ZC3H12B: variants seen among roughly 807,000 people sequenced by gnomAD.
ZC3H12B encodes probable ribonuclease ZC3H12B.
Under a neutral mutation model 43.9 loss-of-function variants are expected in ZC3H12B, and 7 were observed. The observed-to-expected ratio is 0.16, with a 90% CI of 0.09 to 0.30. The LOEUF (loss-of-function observed/expected upper bound fraction) is 0.30, where lower values mean the gene tolerates loss of function less well. ZC3H12B is among the 10% of genes least tolerant of loss of function. ZC3H12B has a pLI of 1.00. For missense variants in ZC3H12B, 475 were observed against 670.2 expected (o/e 0.71, Z 3.22); for synonymous variants, 222 against 241.7 (o/e 0.92, Z 0.76).
chrX:65,122,806 A>G, the ZC3H12B span, among the ~76,000 whole-genome samples: 1 of 111,684 alleles, frequency 9.0e-6, no homozygotes, highest in Non-Finnish European at 1.9e-5. Context: ...ACATAATGGT[A>G]AAGGGATCAA....
chrX:65,340,093 G>A, the ZC3H12B span, among the ~76,000 whole-genome samples: 1 of 111,729 alleles, frequency 9.0e-6, no homozygotes. Context: ...TGCTGCCAGA[G>A]TGAAACAAGT....
chrX:65,438,848 C>T (rs1411864595), intron 3 of ZC3H12B, among the ~76,000 whole-genome samples: 1 of 113,036 alleles, frequency 8.8e-6, no homozygotes, highest in African/African-American at 3.2e-5. Flanking sequence ...GACATTATGG[C>T]CATTATGGAC....
At chrX:65,473,024 G>A (rs1421239845) in intron 3 of ZC3H12B, among the ~76,000 whole-genome samples, 3 of 86,911 alleles carry the variant, frequency 3.5e-5, no homozygotes, top group Non-Finnish European at 6.5e-5. Flanking sequence ...ATATCTGTTT[G>A]TTTTTTGAGA....
chrX:65,384,184 C>T (rs956638081), intron 2 of ZC3H12B, among the ~76,000 whole-genome samples: 163 of 101,676 alleles, frequency 1.6e-3, no homozygotes, highest in African/African-American at 5.6e-3. Flanking sequence ...GAATACTATG[C>T]AGCCATAAAA....
the ZC3H12B span, among the ~76,000 whole-genome samples, chrX:65,120,655 G>T: frequency 4.5e-5 from 5 of 111,064 alleles, no homozygotes; most frequent in Non-Finnish European, 9.4e-5. Flanking sequence ...TCCCCTGCCT[G>T]ATTGTCCTGG....
the ZC3H12B span, among the ~76,000 whole-genome samples, chrX:65,340,066 C>T: frequency 9.8e-5 from 11 of 111,814 alleles, no homozygotes; most frequent in Non-Finnish European, 2.1e-4. Flanking sequence ...ACCAGTGACC[C>T]GTTCCTGCAC....
intron 3 of ZC3H12B, among the ~76,000 whole-genome samples, chrX:65,459,528 C>A (rs1203297130): frequency 1.8e-5 from 2 of 111,648 alleles, no homozygotes; most frequent in African/African-American, 6.5e-5. Context: ...TGGGCTTCAT[C>A]CCTGGGATGC....
At chrX:65,422,925 C>CTTTTTTTTTTTTTTGT (rs2067036302) in intron 3 of ZC3H12B, among the ~76,000 whole-genome samples, 1 of 46,177 alleles carries the variant, frequency 2.2e-5, no homozygotes, top group African/African-American at 1.1e-4. Context: ...TCTTTCTTTG[C>CTTTTTTTTTTTTTTGT]TTTTTTTTTT....
At chrX:65,226,143 C>A in the ZC3H12B span, among the ~76,000 whole-genome samples, 1 of 111,754 alleles carries the variant, frequency 8.9e-6, no homozygotes, top group African/African-American at 3.3e-5. Context: ...GGGTTACCCA[C>A]AAAGGGAAGC....
At chrX:65,361,617 A>T in the ZC3H12B span, among the ~76,000 whole-genome samples, 136 of 111,363 alleles carry the variant, frequency 1.2e-3, 1 homozygote, top group African/African-American at 4.2e-3. Flanking sequence ...TTTTTCATCA[A>T]ATATAAAAAC....
chrX:65,259,049 C>T, the ZC3H12B span, among the ~76,000 whole-genome samples: 1 of 111,771 alleles, frequency 8.9e-6, no homozygotes, highest in African/African-American at 3.2e-5. Flanking sequence ...ACATTCTTTA[C>T]AGAATTAGAA....
intron 3 of ZC3H12B, among the ~76,000 whole-genome samples, chrX:65,461,559 G>A (rs958284316): frequency 1.2e-4 from 13 of 111,634 alleles, no homozygotes; most frequent in African/African-American, 3.9e-4. Context: ...GTAGGGACAG[G>A]GATGAAGCTG....
the ZC3H12B span, among the ~76,000 whole-genome samples, chrX:65,330,271 A>G: frequency 9.0e-6 from 1 of 111,587 alleles, no homozygotes; most frequent in Non-Finnish European, 1.9e-5. Flanking sequence ...TGAAACTTTG[A>G]TGAAGTTGCT....
At chrX:65,072,767 T>C in the ZC3H12B span, among the ~76,000 whole-genome samples, 38 of 111,739 alleles carry the variant, frequency 3.4e-4, no homozygotes, top group Non-Finnish European at 6.4e-4. Context: ...GTGGGGTGCA[T>C]GCTTGTTGGC....
At chrX:65,270,501 G>T in the ZC3H12B span, among the ~76,000 whole-genome samples, 1 of 111,507 alleles carries the variant, frequency 9.0e-6, no homozygotes, top group African/African-American at 3.3e-5. Context: ...CATACCAAAA[G>T]CTCAGACTTC....
intron 2 of ZC3H12B, 147 bp downstream of exon 4, chrX:65,369,145 G>A (rs1234436725): frequency 8.9e-6 from 1 of 111,770 alleles, no homozygotes; most frequent in African/African-American, 3.2e-5. Context: ...AGGCATCAAA[G>A]CGGTGGTGAA....
the ZC3H12B span, among the ~76,000 whole-genome samples, chrX:65,333,410 G>T: frequency 1.8e-5 from 2 of 111,799 alleles, no homozygotes; most frequent in South Asian, 3.7e-4. Flanking sequence ...GAGAAATCAG[G>T]TAGAGAGAAA....
chrX:65,314,947 T>C, the ZC3H12B span, among the ~76,000 whole-genome samples: 5 of 110,918 alleles, frequency 4.5e-5, no homozygotes, highest in Admixed American at 4.8e-4. Context: ...CTGTAAGGAG[T>C]TAAGTATGTG....
chrX:65,443,774 A>G (rs2067337595), intron 3 of ZC3H12B, among the ~76,000 whole-genome samples: 2 of 112,508 alleles, frequency 1.8e-5, no homozygotes, highest in South Asian at 7.3e-4. Flanking sequence ...GACATATTAC[A>G]TTGCTGCAGA....
Sources: gnomAD v4.1 joint callset for allele counts (sites outside exome capture counted in the v4.1 genomes callset) on GRCh38, gnomAD v4.1.1 for gene constraint, MANE v1.5 for transcripts, NCBI Gene and HGNC (gene_info 2026-07-23, HGNC 2026-07-21) for gene names.